Variants in DNAJC18 observed in about 807,000 individuals in gnomAD.
DNAJC18 encodes the protein DnaJ heat shock protein family (Hsp40) member C18, also known as dnaJ homolog subfamily C member 18.
DNAJC18 carries 40 observed loss-of-function variants against 48.6 expected under a neutral mutation model. The ratio of observed to expected loss-of-function variants is 0.82; its 90% CI spans 0.64 to 1.07. The LOEUF is 1.07. Among genes scored for constraint, DNAJC18 ranks in the 50% least tolerant of loss-of-function variants. DNAJC18 has a pLI of 0.00. For synonymous variants in DNAJC18, 135 were observed against 152.2 expected (o/e 0.89, Z 0.83); for missense variants, 340 against 427.7 (o/e 0.79, Z 1.81).
intron 7 of DNAJC18, among the ~76,000 whole-genome samples, chr5:139,415,856 A>G (rs1298720534): frequency 6.6e-6 from 1 of 152,164 alleles, no homozygotes; most frequent in East Asian, 1.9e-4. Flanking sequence ...CAGGTTTTCC[A>G]TTTGCTCAGC....
Position 139,412,505 on chromosome 5 carries a change from C to A in DNAJC18, c.*1643G>T. Reference sequence around the variant, plus strand: ...TGAACTCCTGACCTCAGGTGATCCACCTGCCACAGCCTCCCAAAGTGCTGG... The same window carrying A: ...TGAACTCCTGACCTCAGGTGATCCAACTGCCACAGCCTCCCAAAGTGCTGG... On this transcript the variant is annotated 3_prime_UTR_variant, in exon 8 of 8. Coordinates refer to ENST00000302060, the MANE Select transcript of DNAJC18 (RefSeq NM_152686.4). The A allele has an allele frequency of 2.6e-6, 1 of 379,948 alleles. No homozygotes were observed. Among genetic ancestry groups the A allele is most frequent in the Non-Finnish European group, 4.7e-6 (1 of 214,984 alleles). The allele number at this position is 379,948 out of a possible 1,614,324, so 23.5% of individuals were successfully genotyped here.
At chr5:139,417,152 T>C (rs1581413000) in intron 7 of DNAJC18, among the ~76,000 whole-genome samples, 1 of 145,444 alleles carries the variant, frequency 6.9e-6, no homozygotes, top group Non-Finnish European at 1.5e-5. Context: ...ATTGCATGAC[T>C]GCACTCCAGC....
chr5:139,423,817 A>C (rs1759193249), intron 5 of DNAJC18, among the ~76,000 whole-genome samples: 1 of 152,112 alleles, frequency 6.6e-6, no homozygotes, highest in South Asian at 2.1e-4. Flanking sequence ...AGGGATACTC[A>C]ATCTATACCA....
intron 7 of DNAJC18, among the ~76,000 whole-genome samples, chr5:139,416,222 C>T (rs1759067143): frequency 6.6e-6 from 1 of 152,160 alleles, no homozygotes; most frequent in Non-Finnish European, 1.5e-5. Context: ...TCAATAAATT[C>T]TAAGTAATTA....
intron 7 of DNAJC18, among the ~76,000 whole-genome samples, chr5:139,416,200 T>C (rs1356154194): frequency 6.6e-6 from 1 of 152,194 alleles, no homozygotes; most frequent in East Asian, 1.9e-4. Context: ...TTTTGACAAA[T>C]TCTGTTAATA....
At chr5:139,420,420 A>G in intron 6 of DNAJC18, 195 bp from the exon 7 acceptor site, 1 of 544,878 alleles carries the variant, frequency 1.8e-6, no homozygotes, top group South Asian at 2.8e-5. Context: ...TTATGTAAGC[A>G]AGTTCATACT....
chr5:139,428,494 C>A, intron 3 of DNAJC18, 44 bp downstream of exon 3: 2 of 1,579,778 alleles, frequency 1.3e-6, no homozygotes, highest in Non-Finnish European at 1.7e-6. Flanking sequence ...TTATTATGAC[C>A]AACCATGACA....
intron 7 of DNAJC18, among the ~76,000 whole-genome samples, chr5:139,416,157 A>G (rs565018569): frequency 1.3e-5 from 2 of 152,350 alleles, no homozygotes; most frequent in African/African-American, 2.4e-5. Context: ...TCATCCTTCA[A>G]TGAACAAAGG....
At chr5:139,421,245 C>G (rs1427233453) in intron 6 of DNAJC18, among the ~76,000 whole-genome samples, 1 of 151,654 alleles carries the variant, frequency 6.6e-6, no homozygotes, top group Admixed American at 6.6e-5. Flanking sequence ...GTCAGGCGTT[C>G]GAGACCAGCC....
rs1759098613 is a variant in DNAJC18 at position 139,418,228 on chromosome 5, T to C, written c.952+1825A>G. Among the ~76,000 whole-genome samples the C allele has an allele frequency of 2.0e-5, 3 of 152,240 alleles. No individual in the cohort carries two copies. The South Asian group carries it at 6.2e-4, about 32-fold the overall frequency. On this transcript the variant is annotated intron_variant, in intron 7 of 7. Transcript: ENST00000302060. Reference sequence around the variant, plus strand: ...CTCTGTGGCCCAGGCTGGAGTGCAGTGGAGTGATCACAGCTCACTGCAGCC... The same window carrying C: ...CTCTGTGGCCCAGGCTGGAGTGCAGCGGAGTGATCACAGCTCACTGCAGCC...
At chr5:139,425,202 T>TA (rs758615145) in intron 4 of DNAJC18, 88 bp from the exon 5 acceptor site, 22 of 1,128,140 alleles carry the variant, frequency 2.0e-5, no homozygotes, top group Non-Finnish European at 2.8e-5. Flanking sequence ...TTTGCTCTGT[T>TA]ACCCAGACTG....
At chr5:139,427,402 G>T (rs1022860461) in intron 3 of DNAJC18, among the ~76,000 whole-genome samples, 1 of 151,980 alleles carries the variant, frequency 6.6e-6, no homozygotes, top group East Asian at 1.9e-4. Context: ...AAGGCATCCC[G>T]CACTCCCTAC....
chr5:139,411,369 C>T lies in DNAJC18; in HGVS notation c.*2779G>A, dbSNP rs900416164. ...TCAAGCCCTATTTCTGAGCGCTGCT[C>T]CTCTCACACACGTCTCCAATCTGCA... is the stretch of plus-strand genomic sequence containing the variant. On this transcript the variant is annotated 3_prime_UTR_variant, in exon 8 of 8. Coordinates refer to ENST00000302060, the MANE Select transcript of DNAJC18 (RefSeq NM_152686.4). 6.6e-6 allele frequency: 1 copy of T among 152,220 alleles called. No homozygotes were observed. Among genetic ancestry groups the T allele is most frequent in the African/African-American group, 2.4e-5 (1 of 41,438 alleles). The allele number at this position is 152,220 out of a possible 1,614,324, so 9.4% of individuals were successfully genotyped here.
chr5:139,437,231 T>A, intron 2 of DNAJC18, 141 bp downstream of exon 2: 1 of 1,061,158 alleles, frequency 9.4e-7, no homozygotes, highest in Non-Finnish European at 1.3e-6. Context: ...TATTCAGTCT[T>A]CCCTCTGAGG....
Position 139,436,184 on chromosome 5 carries a change from C to G in DNAJC18, c.227+1188G>C, listed in dbSNP as rs193153890. On this transcript the variant is annotated intron_variant, in intron 2 of 7. Transcript: ENST00000302060. Reference sequence around the variant, plus strand: ...TACTGTAACCTCAGATTCCTAGGCTCAAGTGATTCTCCTGCTTCAGTCTCC... The same window carrying G: ...TACTGTAACCTCAGATTCCTAGGCTGAAGTGATTCTCCTGCTTCAGTCTCC... Among the ~76,000 whole-genome samples the G allele has an allele frequency of 5.0e-3, 755 of 152,182 alleles. 3 individuals are homozygous for G. Among genetic ancestry groups the G allele is most frequent in the Middle Eastern group, 0.034 (10 of 294 alleles).
intron 2 of DNAJC18, among the ~76,000 whole-genome samples, chr5:139,432,199 T>G (rs923170487): frequency 6.6e-6 from 1 of 152,040 alleles, no homozygotes; most frequent in African/African-American, 2.4e-5. Context: ...AGTTTCACTC[T>G]TGTCATCTAG....
At chr5:139,435,800 G>A (rs954316476) in intron 2 of DNAJC18, among the ~76,000 whole-genome samples, 7 of 138,070 alleles carry the variant, frequency 5.1e-5, no homozygotes, top group African/African-American at 1.9e-4. Context: ...CGCCCTTCCT[G>A]GCTCCATCAA....
chr5:139,426,426 G>A lies in DNAJC18; in HGVS notation c.374-69C>T. 4 of 1,562,998 alleles carry A rather than the reference G, an allele frequency of 2.6e-6. No individual in the cohort carries two copies. The South Asian group carries it at 3.6e-5, about 14-fold the overall frequency. ...ATGGCTGAGAGTGATCACAGCAGCA[G>A]TGACAAAGAGCCTAGAGGTGACTCG... On this transcript the variant is annotated intron_variant, in intron 3 of 7. Coordinates refer to ENST00000302060, the MANE Select transcript of DNAJC18 (RefSeq NM_152686.4).
intron 7 of DNAJC18, among the ~76,000 whole-genome samples, chr5:139,416,615 T>G (rs1045821691): frequency 6.6e-6 from 1 of 152,168 alleles, no homozygotes; most frequent in Non-Finnish European, 1.5e-5. Flanking sequence ...CCACACAACC[T>G]CTCTAGGAGG....
Sources: allele counts gnomAD v4.1 joint callset (sites outside exome capture counted in the v4.1 genomes callset), GRCh38; gene constraint gnomAD v4.1.1; transcripts MANE v1.5; gene names NCBI Gene and HGNC (gene_info 2026-07-23, HGNC 2026-07-21).